RNF123: variants seen among roughly 807,000 people sequenced by gnomAD.
RNF123 encodes ring finger protein 123.
In RNF123, 86 loss-of-function variants were observed where a neutral mutation model predicts 168.5. That is an observed-to-expected ratio of 0.51 (90% CI 0.43 to 0.61). The LOEUF is 0.61. Ranked by LOEUF, RNF123 falls within the 20% of genes least tolerant of loss-of-function variation. RNF123 has a pLI of 0.00. For synonymous variants in RNF123, 666 were observed against 689.1 expected (o/e 0.97, Z 0.52); for missense variants, 1,419 against 1,729.7 (o/e 0.82, Z 3.19).
chr3:49,705,702 A>G (rs1440330617), intron 24 of RNF123, 23 bp downstream of exon 24: 1 of 1,613,952 alleles, frequency 6.2e-7, no homozygotes, highest in Non-Finnish European at 8.5e-7. Context: ...TGGACCCCGC[A>G]TTGGGTGGCG....
At chr3:49,700,026 T>C in intron 12 of RNF123, 2 of 733,616 alleles carry the variant, frequency 2.7e-6, no homozygotes, top group Non-Finnish European at 4.4e-6. Context: ...GGAAACTGCG[T>C]GTGCCAAGCC....
At chr3:49,700,136 C>T in intron 12 of RNF123, 91 bp from the exon 13 acceptor site, 1 of 1,563,608 alleles carries the variant, frequency 6.4e-7, no homozygotes, top group Non-Finnish European at 8.7e-7. Context: ...GGCTCTGTGC[C>T]TGAGGCTTGT....
intron 32 of RNF123, 41 bp downstream of exon 32, chr3:49,715,755 G>T: frequency 1.2e-6 from 2 of 1,614,164 alleles, no homozygotes; most frequent in Non-Finnish European, 1.7e-6. Context: ...GTGGTGCAAG[G>T]GATGAGGCCT....
Position 49,698,032 on chromosome 3 carries a change from C to G in RNF123, c.398-20C>G. 6.2e-7 allele frequency: 1 copy of G among 1,613,746 alleles called. No individual in the cohort carries two copies. The highest frequency in any genetic ancestry group is 8.5e-7 in the Non-Finnish European group (1 of 1,179,662). ...AGGCAGTCTTTGTCCACCTCGTGGC[C>G]CTAACTCAGCTCTTTCCAGGGAAAT... On this transcript the variant is annotated intron_variant, in intron 6 of 38. Transcript: ENST00000327697.
At position 49,706,112 on chromosome 3, in the gene RNF123, A is replaced by G. The variant is rs779865851; in HGVS notation, c.2388+47A>G. 2.6e-6 allele frequency: 4 copies of G among 1,529,566 alleles called. No individual in the cohort carries two copies. The African/African-American group carries it at 4.1e-5, about 16-fold the overall frequency. 94.7% of individuals were successfully genotyped at this position (1,529,566 alleles called of 1,614,324 possible). A position where few individuals can be genotyped will look rare whatever the true frequency, so the allele number is the denominator to read the frequency against. ...TGAGGGGCAGCTTGCTTACTCGTAC[A>G]GGTAACCACAGATGAAGTCTGGTTC... is the stretch of plus-strand genomic sequence containing the variant. On this transcript the variant is annotated intron_variant, in intron 25 of 38. Transcript: ENST00000327697.
chr3:49,714,260 C>T (rs771360692), intron 31 of RNF123, 86 bp downstream of exon 31: 26 of 1,204,342 alleles, frequency 2.2e-5, no homozygotes, highest in Non-Finnish European at 3.0e-5. Context: ...CTCTCCACTT[C>T]TTCCAGCCCC....
intron 26 of RNF123, among the ~76,000 whole-genome samples, chr3:49,708,977 A>AT (rs554534948): frequency 6.6e-6 from 1 of 151,350 alleles, no homozygotes; most frequent in African/African-American, 2.4e-5. Flanking sequence ...TTAATTTTTT[A>AT]TTTTTTTTGA....
At chr3:49,707,578 G>A (rs991407209) in intron 26 of RNF123, among the ~76,000 whole-genome samples, 3 of 152,126 alleles carry the variant, frequency 2.0e-5, no homozygotes, top group Non-Finnish European at 4.4e-5. Flanking sequence ...CCTAACCAGT[G>A]AGTGCCCTGA....
chr3:49,700,768 G>A, intron 15 of RNF123, 59 bp downstream of exon 15: 1 of 1,569,046 alleles, frequency 6.4e-7, no homozygotes, highest in Non-Finnish European at 8.8e-7. Flanking sequence ...ACTCAGCAGA[G>A]GCCAGGAAGG....
chr3:49,698,072 C>T lies in RNF123; in HGVS notation c.418C>T (p.Leu140Phe). The change falls in exon 7 of 39, where the codon CTC becomes TTC. Residue 140 changes from leucine to phenylalanine, a missense_variant. Physicochemically the swap from Leu to Phe is conservative, Grantham distance 22. Coordinates refer to ENST00000327697, the MANE Select transcript of RNF123 (RefSeq NM_022064.5). ...TCCAGGGAAATGGCTCTACGAGGTC[C>T]TCATCTCCTCCCAGGGGCTCATGCA... is the stretch of plus-strand genomic sequence containing the variant. ...VYKGKWLYEV[L>F]ISSQGLMQIG... is the part of the protein sequence containing the mutation. 1 of 1,614,074 alleles carries T rather than the reference C, an allele frequency of 6.2e-7. No homozygotes were observed. The highest frequency in any genetic ancestry group is 8.5e-7 in the Non-Finnish European group (1 of 1,179,982).
Position 49,716,425 on chromosome 3 carries a change from G to A in RNF123, c.3448G>A (p.Val1150Met). 1 of 1,614,076 alleles carries A rather than the reference G, an allele frequency of 6.2e-7. No individual in the cohort carries two copies. Among genetic ancestry groups the A allele is most frequent in the Non-Finnish European group, 8.5e-7 (1 of 1,180,006 alleles). ...LESVDHYPILVAVTGILVQLL... is the reference protein window; with the variant it reads ...LESVDHYPILMAVTGILVQLL... ...GAGCGTGGACCACTATCCCATTCTG[G>A]TGGCAGTGACGGGCATCCTGGTGCA... The change falls in exon 35 of 39, where the codon GTG (valine) becomes ATG (methionine). Residue 1150 changes from valine to methionine, a missense_variant. By Grantham distance (21) the Val-to-Met change is conservative (BLOSUM62 1). This residue lies in a region of RNF123 where 164 missense variants were observed against 152.3 expected (regional missense o/e 1.08). Coordinates refer to ENST00000327697, the MANE Select transcript of RNF123 (RefSeq NM_022064.5).
chr3:49,705,817 T>G (rs1228039080), intron 24 of RNF123, 138 bp downstream of exon 24: 1 of 1,468,368 alleles, frequency 6.8e-7, no homozygotes, highest in Non-Finnish European at 9.3e-7. Context: ...GCGAGGCTGG[T>G]TTCTGCTCCT....
rs754131413 is a variant in RNF123 at position 49,716,020 on chromosome 3, T to A, written c.3339+10T>A. 6.2e-7 allele frequency: 1 copy of A among 1,613,906 alleles called. No homozygotes were observed. On this transcript the variant is annotated intron_variant, in intron 33 of 38. Coordinates refer to ENST00000327697, the MANE Select transcript of RNF123 (RefSeq NM_022064.5). ...GCGGCGTCTTGCACAGGTGTGGCCA[T>A]CTGGGCAACAAGGGTGGGACCCTGG...
intron 3 of RNF123, among the ~76,000 whole-genome samples, chr3:49,695,092 G>A (rs1175481263): frequency 6.6e-6 from 1 of 152,208 alleles, no homozygotes; most frequent in East Asian, 1.9e-4. Flanking sequence ...TTGGGGTCAG[G>A]TACAAGAGTA....
At chr3:49,700,732 C>T in intron 15 of RNF123, 23 bp downstream of exon 15, 1 of 1,613,054 alleles carries the variant, frequency 6.2e-7, no homozygotes, top group Non-Finnish European at 8.5e-7. Context: ...TGCTGCCTGG[C>T]AGGCCAGACA....
In RNF123 at chr3:49,702,445, T is replaced by G. The variant is rs368358056; in HGVS notation, c.1629+40T>G. The G allele has an allele frequency of 5.0e-6, 8 of 1,608,434 alleles. No homozygotes were observed. In the East Asian group the frequency reaches 1.8e-4, roughly 36 times the overall value. ...GGCCAGCCCACTGTGGATCCCCGGCTGCACTACACATGCCATGCCCTCAGC... is the reference window on the plus strand; with the variant it reads ...GGCCAGCCCACTGTGGATCCCCGGCGGCACTACACATGCCATGCCCTCAGC... On this transcript the variant is annotated intron_variant, in intron 19 of 38. Transcript: ENST00000327697.
rs1295702633 is a variant in RNF123 at position 49,721,432 on chromosome 3, T to C, written c.*127T>C. 7.8e-7 allele frequency: 1 copy of C among 1,286,440 alleles called. No homozygotes were observed. The allele number at this position is 1,286,440 out of a possible 1,614,324, so 79.7% of individuals were successfully genotyped here. A position where few individuals can be genotyped will look rare whatever the true frequency, so the allele number is the denominator to read the frequency against. ...ACCACATCCAACCTCCTTGCCTGCC[T>C]GTATCCTCATTGGTGGGAGCCCAGC... is the stretch of plus-strand genomic sequence containing the variant. On this transcript the variant is annotated 3_prime_UTR_variant, in exon 39 of 39. Coordinates refer to ENST00000327697, the MANE Select transcript of RNF123 (RefSeq NM_022064.5).
chr3:49,716,724 G>A, intron 35 of RNF123: 1 of 492,278 alleles, frequency 2.0e-6, no homozygotes, highest in Non-Finnish European at 3.7e-6. Flanking sequence ...CTGGCTTGTG[G>A]CCATGCCTCA....
intron 5 of RNF123, 30 bp downstream of exon 5, chr3:49,697,487 G>T (rs373872356): frequency 4.3e-5 from 65 of 1,521,996 alleles, no homozygotes; most frequent in Admixed American, 8.0e-5. Flanking sequence ...GGAGACCCAG[G>T]TCCAGCCCCT....
Sources: gnomAD v4.1 joint callset for allele counts (sites outside exome capture counted in the v4.1 genomes callset) on GRCh38, gnomAD v4.1.1 for gene constraint, gnomAD v4.1.1 regional missense constraint, MANE v1.5 for transcripts, NCBI Gene and HGNC (gene_info 2026-07-23, HGNC 2026-07-21) for gene names.